CDH18: variants seen among roughly 807,000 people sequenced by gnomAD.
The protein encoded by CDH18 is cadherin-18.
CDH18 carries 31 observed loss-of-function variants against 67.9 expected under a neutral mutation model. The observed-to-expected ratio is 0.46, with a 90% CI of 0.34 to 0.62. The LOEUF (loss-of-function observed/expected upper bound fraction) is 0.62. CDH18 is among the 20% of genes least tolerant of loss of function. The pLI is 0.01. For synonymous variants in CDH18, 362 were observed against 347.2 expected, an observed-to-expected ratio of 1.04 and a Z score of -0.48; for missense variants, 890 against 975.5, an observed-to-expected ratio of 0.91 and a Z score of 1.17.
intron 2 of CDH18, among the ~76,000 whole-genome samples, chr5:20,023,251 A>T (rs1738582860): frequency 6.6e-6 from 1 of 152,132 alleles, no homozygotes. Context: ...ACTAATATCC[A>T]CAGCCCTCAG....
chr5:20,088,126 T>A (rs1027001818), intron 2 of CDH18, among the ~76,000 whole-genome samples: 3 of 152,232 alleles, frequency 2.0e-5, no homozygotes, highest in African/African-American at 7.2e-5. Flanking sequence ...AAAATACAGT[T>A]CAAGGGATAG....
intron 2 of CDH18, among the ~76,000 whole-genome samples, chr5:19,927,922 TA>T (rs143668891): frequency 0.012 from 1,757 of 152,276 alleles, 34 homozygotes; most frequent in African/African-American, 0.04. Context: ...TCTGAGTCTT[TA>T]AATAGAGAAT....
At chr5:20,405,407 C>A (rs577289875) in intron 1 of CDH18, among the ~76,000 whole-genome samples, 2 of 152,120 alleles carry the variant, frequency 1.3e-5, no homozygotes. Flanking sequence ...AAACTGGACC[C>A]CTTCCTTACA....
In CDH18 at chr5:19,500,166, T is replaced by C. The variant is rs980079383; in HGVS notation, c.1630+2826A>G. Among the ~76,000 whole-genome samples, 3 of 152,060 alleles carry C rather than the reference T, an allele frequency of 2.0e-5. No individual in the cohort carries two copies. The East Asian group carries it at 5.8e-4, about 29-fold the overall frequency. On this transcript the variant is annotated intron_variant, in intron 11 of 12. Transcript: ENST00000382275. ...CACAAGACCCTGCAGTCCAGCATTTTCTGACCCTTATTCCACTGTATTTTC... is the reference window on the plus strand; with the variant it reads ...CACAAGACCCTGCAGTCCAGCATTTCCTGACCCTTATTCCACTGTATTTTC...
At position 20,277,047 on chromosome 5, in the gene CDH18, G is replaced by C. The variant is rs187675271; in HGVS notation, c.-579-21542C>G. ...CCTAAGGTTTCCAACGTCAGGCCCT[G>C]GCTTCAGGACGACATCTCTGGACCA... On this transcript the variant is annotated intron_variant, in intron 1 of 14. Transcript: ENST00000507958. 5.9e-4 allele frequency among the ~76,000 whole-genome samples: 90 copies of C among 152,260 alleles called. 1 individual carries two copies. Among genetic ancestry groups the C allele is most frequent in the Non-Finnish European group, 1.2e-4 (8 of 68,022 alleles).
intron 10 of CDH18, among the ~76,000 whole-genome samples, chr5:19,508,852 C>A (rs1215208623): frequency 7.1e-6 from 1 of 140,640 alleles, no homozygotes; most frequent in African/African-American, 2.7e-5. Context: ...AAAGGAAGTT[C>A]TTTCTTTCTT....
chr5:20,538,924 T>TG (rs1474759411), intron 1 of CDH18, among the ~76,000 whole-genome samples: 35 of 148,454 alleles, frequency 2.4e-4, no homozygotes, highest in African/African-American at 8.7e-4. Flanking sequence ...TTTTTTTTTT[T>TG]GTCGCCCAGG....
chr5:19,503,618 T>C (rs1344857540), intron 10 of CDH18, among the ~76,000 whole-genome samples: 1 of 152,122 alleles, frequency 6.6e-6, no homozygotes, highest in Non-Finnish European at 1.5e-5. Context: ...GCCTGAATCC[T>C]GGAAGGATGG....
intron 1 of CDH18, chr5:20,305,419 T>A: frequency 8.5e-6 from 13 of 1,534,700 alleles, no homozygotes; most frequent in East Asian, 2.3e-5. Context: ...CCAATTCCTA[T>A]CTGTCAGTTC....
At chr5:20,533,790 T>C (rs1756555060) in intron 1 of CDH18, among the ~76,000 whole-genome samples, 1 of 152,106 alleles carries the variant, frequency 6.6e-6, no homozygotes, top group African/African-American at 2.4e-5. Flanking sequence ...TTTTGTTTTA[T>C]ATTTTGACCT....
intron 5 of CDH18, among the ~76,000 whole-genome samples, chr5:19,637,857 C>T (rs1753392789): frequency 6.6e-6 from 1 of 152,228 alleles, no homozygotes. Context: ...TAAGCTGCAC[C>T]CAAAACCCAA....
chr5:19,933,448 AG>A (rs1793922408), intron 2 of CDH18, among the ~76,000 whole-genome samples: 2 of 151,490 alleles, frequency 1.3e-5, no homozygotes. Context: ...TATTTTTACC[AG>A]TATATGAATG....
At chr5:20,062,126 A>G (rs1231781771) in intron 2 of CDH18, among the ~76,000 whole-genome samples, 1 of 146,562 alleles carries the variant, frequency 6.8e-6, no homozygotes, top group East Asian at 2.0e-4. Flanking sequence ...AAGTAAACTA[A>G]TCTTTAAGCC....
intron 2 of CDH18, among the ~76,000 whole-genome samples, chr5:19,977,821 A>T (rs1408710968): frequency 2.0e-5 from 3 of 152,184 alleles, no homozygotes; most frequent in Non-Finnish European, 4.4e-5. Flanking sequence ...AGTTTTAAAA[A>T]GGTTGAGCAA....
At chr5:19,959,135 G>A (rs537842904) in intron 2 of CDH18, among the ~76,000 whole-genome samples, 1 of 152,020 alleles carries the variant, frequency 6.6e-6, no homozygotes, top group African/African-American at 2.4e-5. Flanking sequence ...AGGGAAGAGT[G>A]AATGAAAAAG....
chr5:20,335,688 A>G (rs1178067449), intron 1 of CDH18, among the ~76,000 whole-genome samples: 1 of 152,184 alleles, frequency 6.6e-6, no homozygotes, highest in Non-Finnish European at 1.5e-5. Context: ...AGGAACTTTT[A>G]TCTGTGTCTT....
intron 10 of CDH18, among the ~76,000 whole-genome samples, chr5:19,507,668 C>T (rs950915296): frequency 3.9e-5 from 6 of 152,064 alleles, no homozygotes; most frequent in Admixed American, 1.3e-4. Context: ...AAAAACCAAA[C>T]ACCACATGTT....
intron 1 of CDH18, among the ~76,000 whole-genome samples, chr5:20,436,613 A>G (rs1462855155): frequency 1.3e-5 from 2 of 151,432 alleles, no homozygotes; most frequent in East Asian, 3.9e-4. Flanking sequence ...AATATATATA[A>G]ACATGTATAT....
At chr5:19,866,318 A>T (rs1378963665) in intron 2 of CDH18, among the ~76,000 whole-genome samples, 2 of 152,248 alleles carry the variant, frequency 1.3e-5, no homozygotes, top group African/African-American at 4.8e-5. Flanking sequence ...TACAGAACCC[A>T]GCATCTAGGA....
Sources: allele counts gnomAD v4.1 joint callset (sites outside exome capture counted in the v4.1 genomes callset), GRCh38; gene constraint gnomAD v4.1.1; transcripts MANE v1.5; gene names NCBI Gene and HGNC (gene_info 2026-07-23, HGNC 2026-07-21).